The following MGAT4C variants were observed in gnomAD, a reference collection of about 807,000 sequenced individuals.
MGAT4C encodes the protein MGAT4 family member C, also known as alpha-1,3-mannosyl-glycoprotein 4-beta-N-acetylglucosaminyltransferase C.
MGAT4C carries 19 observed loss-of-function variants against 40.1 expected under a neutral mutation model. The observed-to-expected ratio is 0.47, with a 90% CI of 0.33 to 0.70. The LOEUF (loss-of-function observed/expected upper bound fraction) is 0.70, where lower values mean the gene tolerates loss of function less well. Among genes scored for constraint, MGAT4C ranks in the 30% least tolerant of loss-of-function variants. The probability of loss-of-function intolerance (pLI) is 0.02; values close to 1 mark genes in which losing one functional copy is unlikely to be tolerated. For synonymous variants in MGAT4C, 181 were observed against 187.1 expected (o/e 0.97, Z 0.27); for missense variants, 491 against 563.2 (o/e 0.87, Z 1.30).
At chr12:86,336,380 C>T (rs78020128) in intron 3 of MGAT4C, among the ~76,000 whole-genome samples, 3 of 152,126 alleles carry the variant, frequency 2.0e-5, no homozygotes, top group African/African-American at 4.8e-5. Flanking sequence ...ATCTTCCTTG[C>T]CTGTTTAACT....
chr12:86,227,706 C>T (rs1951149194), intron 1 of MGAT4C, among the ~76,000 whole-genome samples: 1 of 151,784 alleles, frequency 6.6e-6, no homozygotes, highest in African/African-American at 2.4e-5. Context: ...TTAATATTTC[C>T]ATAAATGTAT....
At chr12:86,084,748 A>T (rs1025877450) in intron 1 of MGAT4C, among the ~76,000 whole-genome samples, 2 of 151,594 alleles carry the variant, frequency 1.3e-5, no homozygotes, top group African/African-American at 2.4e-5. Flanking sequence ...AAAGGAAAAG[A>T]GGCCTGAGCA....
At chr12:86,687,285 C>A (rs191907655) in intron 2 of MGAT4C, among the ~76,000 whole-genome samples, 8 of 152,010 alleles carry the variant, frequency 5.3e-5, no homozygotes, top group African/African-American at 1.9e-4. Flanking sequence ...TTCAAAAAAC[C>A]AGCTCCTGGA....
At chr12:86,410,423 C>G (rs769765523) in intron 3 of MGAT4C, among the ~76,000 whole-genome samples, 1 of 152,108 alleles carries the variant, frequency 6.6e-6, no homozygotes, top group Non-Finnish European at 1.5e-5. Context: ...TAAGCGATAT[C>G]TCTCCTAATT....
intron 2 of MGAT4C, among the ~76,000 whole-genome samples, chr12:86,441,744 C>T (rs1390388781): frequency 6.6e-6 from 1 of 152,036 alleles, no homozygotes; most frequent in African/African-American, 2.4e-5. Context: ...TCTAGGCAAT[C>T]ATTAATGGAC....
chr12:86,055,836 C>T (rs1303417759), intron 1 of MGAT4C, among the ~76,000 whole-genome samples: 1 of 151,916 alleles, frequency 6.6e-6, no homozygotes, highest in Non-Finnish European at 1.5e-5. Context: ...TATCTTTTCA[C>T]GTCTTCATTC....
rs1430409506 is a variant in MGAT4C, at chr12:86,678,419, TC to T, written c.-229+48789del. ...AGAACTTCCAAACCACTCTGTTTCC[TC>T]TTTTTTTTTTATTTTATTATTATTA... is the stretch of plus-strand genomic sequence containing the variant. On this transcript the variant is annotated intron_variant, in intron 2 of 7. Transcript: ENST00000548651. Among the ~76,000 whole-genome samples, 3 of 150,940 alleles carry T rather than the reference TC, an allele frequency of 2.0e-5. No homozygotes were observed. The Admixed American group carries it at 2.0e-4, about 10-fold the overall frequency.
intron 2 of MGAT4C, among the ~76,000 whole-genome samples, chr12:86,040,678 T>G (rs929436669): frequency 2.6e-5 from 4 of 152,166 alleles, no homozygotes; most frequent in Admixed American, 1.3e-4. Context: ...TGAATGATTC[T>G]GTCTCACTAG....
chr12:85,990,253 GA>G (rs1885733493), intron 2 of MGAT4C, among the ~76,000 whole-genome samples: 1 of 151,976 alleles, frequency 6.6e-6, no homozygotes, highest in Non-Finnish European at 1.5e-5. Context: ...ATGAGAGTCA[GA>G]AAGATTCGTG....
At chr12:86,012,744 C>T (rs1278097898) in intron 2 of MGAT4C, among the ~76,000 whole-genome samples, 1 of 145,298 alleles carries the variant, frequency 6.9e-6, no homozygotes, top group Non-Finnish European at 1.5e-5. Context: ...AAGAGAGAAA[C>T]TCCGTCTCAA....
At chr12:86,686,914 A>G (rs1950082126) in intron 2 of MGAT4C, among the ~76,000 whole-genome samples, 1 of 152,208 alleles carries the variant, frequency 6.6e-6, no homozygotes, top group Non-Finnish European at 1.5e-5. Context: ...GGATGGTACC[A>G]GCTCCTCTTT....
chr12:86,085,238 T>C (rs1471509111), intron 1 of MGAT4C, among the ~76,000 whole-genome samples: 1 of 152,142 alleles, frequency 6.6e-6, no homozygotes, highest in Non-Finnish European at 1.5e-5. Context: ...TTGGCTTTTG[T>C]TGCAATTGCT....
At chr12:86,690,582 T>C (rs1020655471) in intron 2 of MGAT4C, among the ~76,000 whole-genome samples, 1 of 152,104 alleles carries the variant, frequency 6.6e-6, no homozygotes, top group Non-Finnish European at 1.5e-5. Flanking sequence ...CCCTGACCCC[T>C]TGCACTTCCT....
chr12:86,526,142 T>G, intron 2 of MGAT4C, among the ~76,000 whole-genome samples: 1 of 151,422 alleles, frequency 6.6e-6, no homozygotes, highest in African/African-American at 2.4e-5. Context: ...TGGGCAAGGG[T>G]GGTTGCTCAG....
At position 86,256,328 on chromosome 12, in the gene MGAT4C, G is replaced by A. The variant is rs1015061223; in HGVS notation, c.-146C>T. The A allele has an allele frequency of 2.0e-5, 3 of 152,152 alleles. No individual in the cohort carries two copies. Among genetic ancestry groups the A allele is most frequent in the African/African-American group, 4.8e-5 (2 of 41,430 alleles). 9.4% of individuals were successfully genotyped at this position (152,152 alleles called of 1,614,324 possible). On this transcript the variant is annotated 5_prime_UTR_variant, in exon 1 of 5. Transcript: ENST00000611864. Reference sequence around the variant, plus strand: ...AGTGATCCTTGGGCCTCACACAAAAGCGAGATAATTGGCTCTCAATGAAGA... The same window carrying A: ...AGTGATCCTTGGGCCTCACACAAAAACGAGATAATTGGCTCTCAATGAAGA...
intron 2 of MGAT4C, among the ~76,000 whole-genome samples, chr12:85,994,614 TC>T (rs111683470): frequency 2.1e-5 from 3 of 143,598 alleles, no homozygotes; most frequent in East Asian, 4.0e-4. Context: ...TTTAAAAAAA[TC>T]CCCCCCCAGC....
chr12:86,089,073 A>C (rs909405413), intron 1 of MGAT4C, among the ~76,000 whole-genome samples: 1 of 151,984 alleles, frequency 6.6e-6, no homozygotes, highest in Non-Finnish European at 1.5e-5. Context: ...ACTAACATAG[A>C]TGAATCACAG....
At chr12:86,424,901 T>A (rs1046242440) in intron 3 of MGAT4C, among the ~76,000 whole-genome samples, 1 of 151,930 alleles carries the variant, frequency 6.6e-6, no homozygotes, top group African/African-American at 2.4e-5. Context: ...GGACTACAGG[T>A]GCGTGCTCCA....
chr12:86,635,320 C>G (rs1483668243), intron 2 of MGAT4C, among the ~76,000 whole-genome samples: 1 of 152,042 alleles, frequency 6.6e-6, no homozygotes, highest in Non-Finnish European at 1.5e-5. Context: ...GTTAATTAAA[C>G]CTGTGACCAT....
Sources: allele counts gnomAD v4.1 joint callset (sites outside exome capture counted in the v4.1 genomes callset), GRCh38; gene constraint gnomAD v4.1.1; transcripts MANE v1.5; gene names NCBI Gene and HGNC (gene_info 2026-07-23, HGNC 2026-07-21).